The following OSBPL9 variants were observed in gnomAD, a reference collection of about 807,000 sequenced individuals.
The protein encoded by OSBPL9 is oxysterol binding protein like 9.
Under a neutral mutation model 106.6 loss-of-function variants are expected in OSBPL9, and 40 were observed. The observed-to-expected ratio is 0.38, with a 90% CI of 0.29 to 0.49. The LOEUF (loss-of-function observed/expected upper bound fraction) is 0.49, where lower values mean the gene tolerates loss of function less well. OSBPL9 is among the 20% of genes least tolerant of loss of function. The pLI, the probability that OSBPL9 is intolerant of heterozygous loss-of-function variation, is 0.97. For synonymous variants in OSBPL9, 269 were observed against 295.4 expected (o/e 0.91, Z 0.92); for missense variants, 609 against 887.2 (o/e 0.69, Z 3.98).
intron 2 of OSBPL9, among the ~76,000 whole-genome samples, chr1:51,607,155 T>TTAC (rs1455546311): frequency 1.3e-4 from 19 of 150,196 alleles, no homozygotes; most frequent in African/African-American, 4.7e-4. Flanking sequence ...TTTCTTTTCT[T>TTAC]TTCTTTTTCT....
intron 3 of OSBPL9, among the ~76,000 whole-genome samples, chr1:51,700,484 A>G (rs1656994022): frequency 1.3e-5 from 2 of 152,066 alleles, no homozygotes; most frequent in South Asian, 2.1e-4. Flanking sequence ...TTTGTTTTTT[A>G]TCTTTCATGA....
chr1:51,537,177 A>G, the OSBPL9 span, among the ~76,000 whole-genome samples: 82 of 152,156 alleles, frequency 5.4e-4, no homozygotes, highest in South Asian at 6.3e-4. Context: ...AGTATAAACT[A>G]ATGTATTCTT....
intron 4 of OSBPL9, among the ~76,000 whole-genome samples, chr1:51,738,386 T>C (rs1031419672): frequency 1.3e-5 from 2 of 152,102 alleles, no homozygotes; most frequent in Non-Finnish European, 2.9e-5. Context: ...ACATAAACCT[T>C]TCTTTGTAAA....
At chr1:51,677,288 A>G (rs1464242345) in intron 3 of OSBPL9, among the ~76,000 whole-genome samples, 5 of 152,200 alleles carry the variant, frequency 3.3e-5, no homozygotes, top group African/African-American at 9.7e-5. Flanking sequence ...TGTTATTCCA[A>G]TTTACTCTCA....
intron 3 of OSBPL9, 177 bp downstream of exon 3, chr1:51,669,689 G>C (rs1258616210): frequency 1.4e-6 from 1 of 691,354 alleles, no homozygotes; most frequent in Admixed American, 2.0e-5. Flanking sequence ...TATCTGCAAT[G>C]GATGTAGATC....
At chr1:51,718,678 G>A (rs940674168) in intron 4 of OSBPL9, among the ~76,000 whole-genome samples, 1 of 152,098 alleles carries the variant, frequency 6.6e-6, no homozygotes, top group African/African-American at 2.4e-5. Context: ...CTTTAACTGG[G>A]TATCTGTTAC....
chr1:51,528,508 C>T, the OSBPL9 span, among the ~76,000 whole-genome samples: 1 of 151,674 alleles, frequency 6.6e-6, no homozygotes, highest in African/African-American at 2.4e-5. Flanking sequence ...CCTGCCACTG[C>T]ACTTCAGCCT....
intron 22 of OSBPL9, among the ~76,000 whole-genome samples, chr1:51,787,069 T>G (rs1027719454): frequency 3.9e-5 from 6 of 152,302 alleles, no homozygotes; most frequent in Admixed American, 1.3e-4. Context: ...AAGTTAGACA[T>G]AGAGCCAGAA....
intron 1 of OSBPL9, among the ~76,000 whole-genome samples, chr1:51,590,500 T>G (rs932456078): frequency 1.3e-4 from 19 of 150,640 alleles, no homozygotes; most frequent in African/African-American, 4.1e-4. Context: ...GGCACCTGTA[T>G]TCCCAGCTAC....
chr1:51,729,856 C>T lies in OSBPL9; in HGVS notation c.319-15680C>T. 2 of 1,246,916 alleles carry T rather than the reference C, an allele frequency of 1.6e-6. No homozygotes were observed. The highest frequency in any genetic ancestry group is 4.1e-5 in the South Asian group (1 of 24,400). 77.2% of individuals were successfully genotyped at this position (1,246,916 alleles called of 1,614,324 possible). The stretch of plus-strand genomic sequence containing the variant: ...GTGTCCCGGGGGACGGGCTGAACCT[C>T]AGTCAGGACCGCCTGCACCGCAGTC... On this transcript the variant is annotated intron_variant, in intron 4 of 23. Coordinates refer to ENST00000428468, the MANE Select transcript of OSBPL9 (RefSeq NM_024586.6). This position sits in a 1 kb window ranked among gnomAD's most constrained non-coding sequence, Gnocchi z 5.1.
intron 15 of OSBPL9, among the ~76,000 whole-genome samples, chr1:51,778,835 A>C (rs1193822520): frequency 6.6e-6 from 1 of 152,180 alleles, no homozygotes; most frequent in Non-Finnish European, 1.5e-5. Flanking sequence ...TATAACACAG[A>C]GTCTTTTCCA....
chr1:51,563,078 C>T, the OSBPL9 span, among the ~76,000 whole-genome samples: 6 of 152,094 alleles, frequency 3.9e-5, no homozygotes, highest in Non-Finnish European at 7.4e-5. Context: ...GGCGTGGTGG[C>T]ACGTGCCTGT....
rs541861166 is a variant in OSBPL9, at chr1:51,776,252, G to T, written c.1171-581G>T. 7.2e-5 allele frequency among the ~76,000 whole-genome samples: 11 copies of T among 152,076 alleles called. No homozygotes were observed. In the South Asian group the frequency reaches 2.3e-3, roughly 32 times the overall value. The stretch of plus-strand genomic sequence containing the variant: ...CGAGTGTGAATAAAACTTAATTCTT[G>T]GATTGTAGGTGCTCATCATGTATTT... On this transcript the variant is annotated intron_variant, in intron 14 of 23. Transcript: ENST00000428468.
At chr1:51,574,656 T>C (rs1221489601), upstream of OSBPL9, among the ~76,000 whole-genome samples, 3 of 151,736 alleles carry the variant, frequency 2.0e-5, no homozygotes, top group Admixed American at 2.0e-4. Context: ...AATTTGGTGG[T>C]TGGGTGATCA....
At position 51,726,762 on chromosome 1, in the gene OSBPL9, G is replaced by T. The variant is rs913593701; in HGVS notation, c.318+12683G>T. Among the ~76,000 whole-genome samples, 13 of 152,064 alleles carry T rather than the reference G, an allele frequency of 8.5e-5. No individual in the cohort carries two copies. The East Asian group carries it at 9.6e-4, about 11-fold the overall frequency. The stretch of plus-strand genomic sequence containing the variant: ...CACTTTATTTTGAAACAGCTTTGGG[G>T]TTTTTTCCTTTTTCAACTCATAATA... On this transcript the variant is annotated intron_variant, in intron 4 of 23. Transcript: ENST00000428468.
chr1:51,683,525 G>T (rs138567258), intron 3 of OSBPL9, among the ~76,000 whole-genome samples: 1 of 151,824 alleles, frequency 6.6e-6, no homozygotes, highest in East Asian at 2.0e-4. Context: ...GGGCTTGGTG[G>T]CTCATGCCTG....
At chr1:51,761,255 GTTTT>G (rs57352256) in intron 10 of OSBPL9, among the ~76,000 whole-genome samples, 1 of 136,886 alleles carries the variant, frequency 7.3e-6, no homozygotes. Flanking sequence ...GTTTTGTTTT[GTTTT>G]TTTTTTTTTT....
At chr1:51,547,584 T>C in the OSBPL9 span, among the ~76,000 whole-genome samples, 1 of 152,178 alleles carries the variant, frequency 6.6e-6, no homozygotes, top group South Asian at 2.1e-4. Flanking sequence ...GTGGTTCACC[T>C]GTGAATCCCA....
chr1:51,621,484 C>T (rs60384629), intron 1 of OSBPL9, among the ~76,000 whole-genome samples: 4,749 of 144,274 alleles, frequency 0.033, 152 homozygotes, highest in Middle Eastern at 0.094. Flanking sequence ...CCAGCCTGGG[C>T]GACAAAGCAA....
Sources: allele counts gnomAD v4.1 joint callset (sites outside exome capture counted in the v4.1 genomes callset), GRCh38; gene constraint gnomAD v4.1.1; non-coding constraint Gnocchi (gnomAD v3.1); transcripts MANE v1.5; gene names NCBI Gene and HGNC (gene_info 2026-07-23, HGNC 2026-07-21).